MNAT1: variants seen among roughly 807,000 people sequenced by gnomAD.
MNAT1 encodes the protein MNAT1 component of CDK activating kinase.
Under a neutral mutation model 42.0 loss-of-function variants are expected in MNAT1, and 43 were observed. The observed-to-expected ratio is 1.02, with a 90% CI of 0.80 to 1.32. The LOEUF (loss-of-function observed/expected upper bound fraction) is 1.32. Ranked by LOEUF, MNAT1 falls within the 40% of genes most tolerant of loss-of-function variation. MNAT1 has a pLI of 0.00. For synonymous variants in MNAT1, 118 were observed against 120.0 expected (o/e 0.98, Z 0.11); for missense variants, 306 against 350.4 (o/e 0.87, Z 1.01).
chr14:60,877,115 T>C (rs186252127), intron 6 of MNAT1, among the ~76,000 whole-genome samples: 1 of 152,216 alleles, frequency 6.6e-6, no homozygotes, highest in Non-Finnish European at 1.5e-5. Flanking sequence ...TGTTTTTCTT[T>C]TTAATAATAG....
At chr14:60,921,858 C>T (rs1437486000) in intron 7 of MNAT1, among the ~76,000 whole-genome samples, 2 of 152,072 alleles carry the variant, frequency 1.3e-5, no homozygotes, top group Non-Finnish European at 2.9e-5. Context: ...TGAGACATGG[C>T]TCTAAACAAG....
At chr14:60,745,401 A>G (rs774703900) in intron 1 of MNAT1, among the ~76,000 whole-genome samples, 16 of 152,090 alleles carry the variant, frequency 1.1e-4, no homozygotes, top group Non-Finnish European at 2.4e-4. Flanking sequence ...AGATTTTCTC[A>G]GTTCTATATG....
At chr14:60,773,962 T>C (rs1267773240) in intron 1 of MNAT1, among the ~76,000 whole-genome samples, 5 of 152,188 alleles carry the variant, frequency 3.3e-5, no homozygotes, top group Non-Finnish European at 7.3e-5. Flanking sequence ...TTCTAGTCCC[T>C]GGGAAGAGCA....
intron 1 of MNAT1, among the ~76,000 whole-genome samples, chr14:60,748,437 C>T (rs548774876): frequency 6.6e-6 from 1 of 152,242 alleles, no homozygotes; most frequent in Admixed American, 6.5e-5. Flanking sequence ...CATTATGTTG[C>T]CCAGGCTGGT....
intron 1 of MNAT1, among the ~76,000 whole-genome samples, chr14:60,741,258 CAT>C (rs1373645095): frequency 6.6e-6 from 1 of 152,196 alleles, no homozygotes; most frequent in Non-Finnish European, 1.5e-5. Flanking sequence ...GTGGCACAAT[CAT>C]AAACTCCTGG....
At chr14:60,771,178 T>G (rs1295616788) in intron 1 of MNAT1, among the ~76,000 whole-genome samples, 2 of 152,208 alleles carry the variant, frequency 1.3e-5, no homozygotes, top group Admixed American at 1.3e-4. Context: ...GAGGGTTTTT[T>G]TGTTTGTTTG....
At chr14:60,892,929 A>C (rs1372829745) in intron 7 of MNAT1, among the ~76,000 whole-genome samples, 3 of 152,138 alleles carry the variant, frequency 2.0e-5, no homozygotes, top group Non-Finnish European at 4.4e-5. Context: ...TTGTGTGTCC[A>C]AGATTATTAA....
chr14:60,889,805 C>T (rs2034789732), intron 7 of MNAT1, among the ~76,000 whole-genome samples: 1 of 152,188 alleles, frequency 6.6e-6, no homozygotes, highest in Admixed American at 6.5e-5. Flanking sequence ...TGAACAGACA[C>T]TTCTCAAAAG....
chr14:60,824,625 A>G (rs1393878708), intron 6 of MNAT1, among the ~76,000 whole-genome samples: 3 of 152,194 alleles, frequency 2.0e-5, no homozygotes, highest in Admixed American at 2.0e-4. Context: ...ATATGTTTCC[A>G]TGGGTAAGAT....
At chr14:60,744,156 G>T (rs1896549296) in intron 1 of MNAT1, among the ~76,000 whole-genome samples, 1 of 152,092 alleles carries the variant, frequency 6.6e-6, no homozygotes, top group African/African-American at 2.4e-5. Flanking sequence ...GTTTTTGAGA[G>T]AGCCTCACTC....
intron 6 of MNAT1, among the ~76,000 whole-genome samples, chr14:60,838,071 C>A (rs572592597): frequency 2.0e-5 from 3 of 152,070 alleles, no homozygotes; most frequent in Non-Finnish European, 4.4e-5. Flanking sequence ...ATCAGCCTGG[C>A]TAGAGGTTTA....
At chr14:60,967,203 A>G (rs2139630377) in intron 7 of MNAT1, among the ~76,000 whole-genome samples, 1 of 152,360 alleles carries the variant, frequency 6.6e-6, no homozygotes, top group South Asian at 2.1e-4. Flanking sequence ...TTTATTAAAC[A>G]TGGATACAGA....
chr14:60,861,958 A>G (rs1439950195), intron 6 of MNAT1, among the ~76,000 whole-genome samples: 2 of 152,214 alleles, frequency 1.3e-5, no homozygotes, highest in African/African-American at 4.8e-5. Flanking sequence ...AGTCCAGTTC[A>G]AAGTTGTTAG....
intron 1 of MNAT1, among the ~76,000 whole-genome samples, chr14:60,756,282 C>G (rs1049486846): frequency 1.3e-4 from 20 of 152,212 alleles, no homozygotes; most frequent in Middle Eastern, 3.4e-3. Context: ...GCATTAAAGA[C>G]AGAGTTATAT....
intron 7 of MNAT1, among the ~76,000 whole-genome samples, chr14:60,935,208 G>A (rs925189199): frequency 1.3e-5 from 2 of 151,990 alleles, no homozygotes; most frequent in African/African-American, 4.8e-5. Context: ...GACCATTTGT[G>A]TTACGTAGAT....
At chr14:60,893,297 A>G (rs1229957130) in intron 7 of MNAT1, among the ~76,000 whole-genome samples, 1 of 152,070 alleles carries the variant, frequency 6.6e-6, no homozygotes, top group East Asian at 1.9e-4. Flanking sequence ...CTTTTTAAAA[A>G]TGATTTTCAC....
chr14:60,828,763 G>A (rs1375599693), intron 6 of MNAT1, among the ~76,000 whole-genome samples: 2 of 152,132 alleles, frequency 1.3e-5, no homozygotes, highest in African/African-American at 4.8e-5. Context: ...ATAAATTGAA[G>A]GTTCCCACGA....
intron 1 of MNAT1, among the ~76,000 whole-genome samples, chr14:60,750,472 C>T (rs1183151212): frequency 6.6e-6 from 1 of 150,536 alleles, no homozygotes. Context: ...CCTCGTGATC[C>T]GCTTGCCTCG....
chr14:60,813,384 G>C (rs1417389554), intron 5 of MNAT1, among the ~76,000 whole-genome samples: 1 of 152,210 alleles, frequency 6.6e-6, no homozygotes, highest in East Asian at 1.9e-4. Context: ...TCCTTACCGT[G>C]AATCTAGTGA....
Sources: allele counts gnomAD v4.1 joint callset (sites outside exome capture counted in the v4.1 genomes callset), GRCh38; gene constraint gnomAD v4.1.1; transcripts MANE v1.5; gene names NCBI Gene and HGNC (gene_info 2026-07-23, HGNC 2026-07-21).